The following KDM4C variants were observed in gnomAD, a reference collection of about 807,000 sequenced individuals.
The protein encoded by KDM4C is lysine-specific demethylase 4C.
Under a neutral mutation model 129.3 loss-of-function variants are expected in KDM4C, and 81 were observed. The observed-to-expected ratio is 0.63, with a 90% confidence interval of 0.52 to 0.75. KDM4C has a LOEUF of 0.75. Among genes scored for constraint, KDM4C ranks in the 30% least tolerant of loss-of-function variants. KDM4C has a pLI of 0.00. For synonymous variants in KDM4C, 573 were observed against 456.1 expected (o/e 1.26, Z -3.26); for missense variants, 1,457 against 1,304.0 (o/e 1.12, Z -1.81).
At chr9:6,833,967 C>T (rs886939886) in intron 4 of KDM4C, among the ~76,000 whole-genome samples, 6 of 150,912 alleles carry the variant, frequency 4.0e-5, no homozygotes, top group African/African-American at 1.2e-4. Flanking sequence ...ATACCACTAT[C>T]TTCTTGTCAG....
intron 15 of KDM4C, among the ~76,000 whole-genome samples, chr9:7,017,552 A>G (rs541448818): frequency 6.6e-5 from 10 of 152,144 alleles, no homozygotes; most frequent in African/African-American, 1.4e-4. Flanking sequence ...CTAACAATCT[A>G]TGTCAACTTT....
At chr9:6,889,630 G>A (rs1338107772) in intron 7 of KDM4C, among the ~76,000 whole-genome samples, 1 of 152,166 alleles carries the variant, frequency 6.6e-6, no homozygotes. Flanking sequence ...ATCATCCAGT[G>A]CTTCTTTTAA....
chr9:7,093,257 T>C (rs1028974065), intron 17 of KDM4C, among the ~76,000 whole-genome samples: 3 of 152,148 alleles, frequency 2.0e-5, no homozygotes, highest in Non-Finnish European at 4.4e-5. Flanking sequence ...TGGAGCATGG[T>C]GTTGTTGATT....
rs1010252336 is a variant in KDM4C at position 7,174,912 on chromosome 9, G to A, written c.*183G>A. ...ACAAAATACACCCAATGAATTGGACGCAGCAATCTGAAATCATCTCTAGTC... is the reference window on the plus strand; with the variant it reads ...ACAAAATACACCCAATGAATTGGACACAGCAATCTGAAATCATCTCTAGTC... On this transcript the variant is annotated 3_prime_UTR_variant, in exon 22 of 22. Coordinates refer to ENST00000381309, the MANE Select transcript of KDM4C (RefSeq NM_015061.6). 10 of 509,948 alleles carry A rather than the reference G, an allele frequency of 2.0e-5. No individual in the cohort carries two copies. Among genetic ancestry groups the A allele is most frequent in the African/African-American group, 7.5e-5 (4 of 53,176 alleles). 31.6% of individuals were successfully genotyped at this position (509,948 alleles called of 1,614,324 possible). A position where few individuals can be genotyped will look rare whatever the true frequency, so the allele number is the denominator to read the frequency against.
chr9:7,072,786 A>G (rs1833382682), intron 17 of KDM4C, among the ~76,000 whole-genome samples: 1 of 152,248 alleles, frequency 6.6e-6, no homozygotes, highest in Non-Finnish European at 1.5e-5. Flanking sequence ...TGAAAATTAA[A>G]TATAAAACCC....
chr9:6,904,492 T>C (rs1002101388), intron 8 of KDM4C, among the ~76,000 whole-genome samples: 3 of 151,858 alleles, frequency 2.0e-5, no homozygotes, highest in African/African-American at 7.3e-5. Flanking sequence ...AATCAGAATG[T>C]TGAAAATGAA....
chr9:6,728,629 G>C (rs1446980275), intron 1 of KDM4C, among the ~76,000 whole-genome samples: 1 of 151,020 alleles, frequency 6.6e-6, no homozygotes, highest in East Asian at 2.0e-4. Context: ...GGCGGATCAC[G>C]AGGTCAGGAG....
intron 5 of KDM4C, among the ~76,000 whole-genome samples, chr9:6,860,779 G>T (rs1840782816): frequency 6.6e-6 from 1 of 152,140 alleles, no homozygotes; most frequent in Non-Finnish European, 1.5e-5. Context: ...TACTTGGAAT[G>T]TATTTTAATT....
chr9:6,999,963 T>C (rs116614068), intron 12 of KDM4C, among the ~76,000 whole-genome samples: 3,219 of 152,330 alleles, frequency 0.021, 116 homozygotes, highest in African/African-American at 0.075. Flanking sequence ...AGCACATTTA[T>C]AGTTCTGTCT....
At chr9:6,854,382 G>A (rs992322343) in intron 5 of KDM4C, among the ~76,000 whole-genome samples, 1 of 151,956 alleles carries the variant, frequency 6.6e-6, no homozygotes, top group African/African-American at 2.4e-5. Context: ...AAAATTAGCC[G>A]GGTGTGGTGG....
At chr9:6,954,529 C>G (rs1382128606) in intron 8 of KDM4C, among the ~76,000 whole-genome samples, 2 of 152,070 alleles carry the variant, frequency 1.3e-5, no homozygotes, top group Non-Finnish European at 2.9e-5. Context: ...ATGTGTTAGC[C>G]TGGGGACCAA....
intron 1 of KDM4C, among the ~76,000 whole-genome samples, chr9:6,760,464 T>TAA (rs1554670332): frequency 4.7e-5 from 7 of 150,264 alleles, no homozygotes; most frequent in Non-Finnish European, 7.4e-5. Flanking sequence ...TATATATATA[T>TAA]AATGTAATTG....
rs1259141913 is a variant in KDM4C, at chr9:7,034,709, T to C, written c.2260-12153T>C. On this transcript the variant is annotated intron_variant, in intron 15 of 21. Transcript: ENST00000381309. ...TAAATTCCCAGTAGTGGTATTGCTGTATCATGTGGTAGTTCTATTTGTAGT... is the reference window on the plus strand; with the variant it reads ...TAAATTCCCAGTAGTGGTATTGCTGCATCATGTGGTAGTTCTATTTGTAGT... Among the ~76,000 whole-genome samples the C allele has an allele frequency of 2.0e-5, 3 of 152,362 alleles. No individual in the cohort carries two copies. The East Asian group carries it at 5.8e-4, about 29-fold the overall frequency.
intron 3 of KDM4C, among the ~76,000 whole-genome samples, 153 bp downstream of exon 3, chr9:6,805,927 T>C (rs1346196121): frequency 3.3e-5 from 5 of 152,246 alleles, no homozygotes; most frequent in African/African-American, 1.2e-4. Flanking sequence ...TTCTGTTCTT[T>C]AGGTGGTTGC....
intron 5 of KDM4C, among the ~76,000 whole-genome samples, chr9:6,851,574 A>G (rs1838854032): frequency 6.6e-6 from 1 of 152,194 alleles, no homozygotes; most frequent in African/African-American, 2.4e-5. Context: ...ACTACATACT[A>G]TGTCTTGCTT....
chr9:6,999,031 A>C (rs1252130761), intron 12 of KDM4C, among the ~76,000 whole-genome samples: 1 of 152,148 alleles, frequency 6.6e-6, no homozygotes, highest in East Asian at 1.9e-4. Context: ...TTTACTACAC[A>C]AGCTGGCTCT....
intron 1 of KDM4C, among the ~76,000 whole-genome samples, chr9:6,785,257 C>T (rs566004243): frequency 6.6e-6 from 1 of 152,042 alleles, no homozygotes; most frequent in Admixed American, 6.5e-5. Context: ...CTTGGCATTC[C>T]TTGGCTTGCA....
intron 5 of KDM4C, among the ~76,000 whole-genome samples, chr9:6,873,545 C>G (rs1020625647): frequency 6.6e-6 from 1 of 152,186 alleles, no homozygotes; most frequent in Non-Finnish European, 1.5e-5. Context: ...CCTGAAACGT[C>G]ATGGTGCTAG....
At chr9:6,924,825 A>G (rs1234652202) in intron 8 of KDM4C, 1 of 980,624 alleles carries the variant, frequency 1.0e-6, no homozygotes, top group Non-Finnish European at 1.2e-6. Context: ...CCACTTTGCT[A>G]TTAACATGAA....
Sources: gnomAD v4.1 joint callset for allele counts (sites outside exome capture counted in the v4.1 genomes callset) on GRCh38, gnomAD v4.1.1 for gene constraint, MANE v1.5 for transcripts, NCBI Gene and HGNC (gene_info 2026-07-23, HGNC 2026-07-21) for gene names.